The following ANKUB1 variants were observed in gnomAD, a reference collection of about 807,000 sequenced individuals.
ANKUB1 encodes ankyrin repeat and ubiquitin domain containing 1, also known as protein ANKUB1.
In ANKUB1, 42 loss-of-function variants were observed where a neutral mutation model predicts 49.3. The ratio of observed to expected loss-of-function variants is 0.85; its 90% CI spans 0.67 to 1.10. The LOEUF is 1.10. Among genes scored for constraint, ANKUB1 ranks in the 50% least tolerant of loss-of-function variants. The probability of loss-of-function intolerance (pLI) is 0.00; values close to 1 mark genes in which losing one functional copy is unlikely to be tolerated. For synonymous variants in ANKUB1, 222 were observed against 231.0 expected (o/e 0.96, Z 0.35); for missense variants, 613 against 642.0 (o/e 0.95, Z 0.49).
rs1717123296 is a variant in ANKUB1 at position 149,767,842 on chromosome 3, C to T, written c.820G>A (p.Gly274Arg). The T allele has an allele frequency of 3.9e-6, 6 of 1,551,688 alleles. No individual in the cohort carries two copies. The highest frequency in any genetic ancestry group is 5.2e-6 in the Non-Finnish European group (6 of 1,146,994). Residue 274 changes from glycine (G) to arginine (R), a missense_variant, in exon 5 of 6, where the codon GGA becomes AGA. Physicochemically the swap from Gly to Arg is moderately radical, Grantham distance 125 (BLOSUM62 -2). Transcript: ENST00000446160. Reference protein sequence around the residue: ...VLCLECKNAAGQTPLTIVFKH... With the variant: ...VLCLECKNAARQTPLTIVFKH... ...AACACAATGGTCAGGGGAGTTTGTC[C>T]TGCTGCATTTTTGCATTCCAGGCAC...
chr3:149,767,976 G>A lies in ANKUB1; in HGVS notation c.686C>T (p.Ala229Val), dbSNP rs1249403362. The change falls in exon 5 of 6, where the codon GCA (alanine) becomes GTA (valine). Residue 229 changes from alanine (A) to valine (V), a missense_variant. By Grantham distance (64) the Ala-to-Val change is moderately conservative. Transcript: ENST00000446160. Reference protein sequence around the residue: ...HEAVGVHPYRAWCHEALHADV... With the variant: ...HEAVGVHPYRVWCHEALHADV... ...TGCATGAAGGGCTTCATGGCACCAT[G>A]CTCGATAGGGGTGAACACCGACTGC... 16 of 1,537,780 alleles carry A rather than the reference G, an allele frequency of 1.0e-5. No individual in the cohort carries two copies. The highest frequency in any genetic ancestry group is 1.3e-5 in the Non-Finnish European group (15 of 1,137,062).
In ANKUB1 at chr3:149,792,453, G is replaced by A; in HGVS notation, c.-87C>T. ...AGAAAAATTCCGGTTCACAATTAAG[G>A]ACAAAAATGATAGCCAGAGGCAGCT... On this transcript the variant is annotated 5_prime_UTR_variant, in exon 1 of 6. Transcript: ENST00000446160. The A allele has an allele frequency of 9.5e-7, 1 of 1,058,158 alleles. No individual in the cohort carries two copies. The highest frequency in any genetic ancestry group is 1.3e-6 in the Non-Finnish European group (1 of 767,282). The allele number at this position is 1,058,158 out of a possible 1,614,324, so 65.5% of individuals were successfully genotyped here.
At chr3:149,776,742 C>CT (rs1717611595) in intron 3 of ANKUB1, among the ~76,000 whole-genome samples, 1 of 151,254 alleles carries the variant, frequency 6.6e-6, no homozygotes, top group Non-Finnish European at 1.5e-5. Flanking sequence ...GGGTGGATCA[C>CT]TTGAGGTCAG....
chr3:149,767,876 G>A lies in ANKUB1; in HGVS notation c.786C>T (p.Tyr262=). Residue 262 remains tyrosine (Y), a synonymous_variant, in exon 5 of 6, where the codon TAC becomes TAT. Coordinates refer to ENST00000446160, the MANE Select transcript of ANKUB1 (RefSeq NM_001144960.3). The part of the protein sequence containing the change: ...QLLILKAFVN[Y]SVLCLECKNA... ...TTTTGCATTCCAGGCACAGCACACT[G>A]TAGTTGACAAAGGCCTTCAGAATCA... 6.4e-7 allele frequency: 1 copy of A among 1,551,716 alleles called. No individual in the cohort carries two copies. Among genetic ancestry groups the A allele is most frequent in the Middle Eastern group, 1.7e-4 (1 of 5,992 alleles).
chr3:149,762,308 AATATTCATCCC>A (rs1325414008), intron 5 of ANKUB1, among the ~76,000 whole-genome samples: 4 of 152,188 alleles, frequency 2.6e-5, no homozygotes, highest in African/African-American at 9.7e-5. Context: ...AACAAATAAA[AATATTCATCCC>A]ATAGACACTT....
intron 3 of ANKUB1, among the ~76,000 whole-genome samples, chr3:149,772,383 T>C (rs971331662): frequency 6.6e-6 from 1 of 152,168 alleles, no homozygotes; most frequent in Non-Finnish European, 1.5e-5. Context: ...GTTTACCTGA[T>C]CAATATTGAA....
chr3:149,763,612 T>C (rs1716865349), intron 5 of ANKUB1, among the ~76,000 whole-genome samples: 1 of 152,186 alleles, frequency 6.6e-6, no homozygotes, highest in Non-Finnish European at 1.5e-5. Context: ...TCCCTTACAT[T>C]TGAATCTTTA....
intron 3 of ANKUB1, among the ~76,000 whole-genome samples, chr3:149,776,919 G>T (rs1183169677): frequency 6.6e-6 from 1 of 152,010 alleles, no homozygotes; most frequent in Non-Finnish European, 1.5e-5. Context: ...AGCGGTTGCA[G>T]TAAGCTGAGG....
chr3:149,765,317 A>G (rs1182696705), intron 5 of ANKUB1, among the ~76,000 whole-genome samples: 2 of 152,208 alleles, frequency 1.3e-5, no homozygotes, highest in Non-Finnish European at 2.9e-5. Context: ...GGGAAGGATC[A>G]TGACTGGCAA....
At chr3:149,782,518 T>C (rs1717915339) in intron 2 of ANKUB1, among the ~76,000 whole-genome samples, 1 of 152,080 alleles carries the variant, frequency 6.6e-6, no homozygotes, top group Non-Finnish European at 1.5e-5. Flanking sequence ...TAACTGACTC[T>C]GGAACAAGTA....
At chr3:149,762,894 C>G (rs564135944) in intron 5 of ANKUB1, among the ~76,000 whole-genome samples, 1 of 152,194 alleles carries the variant, frequency 6.6e-6, no homozygotes, top group Non-Finnish European at 1.5e-5. Context: ...CCTGAAAATT[C>G]AATTTCTTGC....
chr3:149,762,658 T>C (rs1716830201), intron 5 of ANKUB1, among the ~76,000 whole-genome samples: 1 of 152,246 alleles, frequency 6.6e-6, no homozygotes, highest in South Asian at 2.1e-4. Flanking sequence ...CTATCAGATT[T>C]GTCTTCAAAA....
Position 149,767,825 on chromosome 3 carries a change from G to C in ANKUB1, c.837C>G (p.Thr279=), listed in dbSNP as rs1198053488. The C allele has an allele frequency of 1.3e-6, 2 of 1,551,746 alleles. No individual in the cohort carries two copies. The highest frequency in any genetic ancestry group is 1.7e-6 in the Non-Finnish European group (2 of 1,147,006). ...CTTTATGCTTGTGTTTGAACACAAT[G>C]GTCAGGGGAGTTTGTCCTGCTGCAT... The part of the protein sequence containing the change: ...CKNAAGQTPL[T]IVFKHKHKDC... Residue 279 remains threonine, a synonymous_variant, in exon 5 of 6, where the codon ACC becomes ACG. Transcript: ENST00000446160.
chr3:149,786,627 T>C (rs1718111620), intron 2 of ANKUB1, among the ~76,000 whole-genome samples: 1 of 152,230 alleles, frequency 6.6e-6, no homozygotes. Flanking sequence ...TGCCATTGCT[T>C]TTGGTGTTTT....
chr3:149,764,005 ATC>A (rs1716883683), intron 5 of ANKUB1: 3 of 456,172 alleles, frequency 6.6e-6, no homozygotes, highest in Non-Finnish European at 1.3e-5. Context: ...AAACAGGAAC[ATC>A]TGATGGTCAC....
intron 5 of ANKUB1, among the ~76,000 whole-genome samples, chr3:149,764,354 C>G (rs993137146): frequency 1.3e-5 from 2 of 152,018 alleles, no homozygotes; most frequent in African/African-American, 4.8e-5. Flanking sequence ...GAAGGTGGAA[C>G]AGATCCTGGG....
chr3:149,781,484 G>A (rs1422478733), intron 2 of ANKUB1, among the ~76,000 whole-genome samples: 2 of 152,132 alleles, frequency 1.3e-5, no homozygotes, highest in Non-Finnish European at 2.9e-5. Context: ...TCAGTGCATG[G>A]CACCATCACG....
chr3:149,767,043 C>A, intron 5 of ANKUB1, 114 bp downstream of exon 5: 1 of 1,134,930 alleles, frequency 8.8e-7, no homozygotes. Context: ...TATTGATGCA[C>A]TGGAACAACT....
chr3:149,789,544 T>C lies in ANKUB1; in HGVS notation c.234+1237A>G, dbSNP rs373906770. On this transcript the variant is annotated intron_variant, in intron 2 of 5. Transcript: ENST00000446160. ...ACATTAAAAACGTATGTAAATATGG[T>C]CTTTTGTTTACATAAATGGGATGAT... Among the ~76,000 whole-genome samples the C allele has an allele frequency of 5.3e-5, 8 of 152,282 alleles. No individual in the cohort carries two copies. The East Asian group carries it at 5.8e-4, about 11-fold the overall frequency.
Sources: gnomAD v4.1 joint callset for allele counts (sites outside exome capture counted in the v4.1 genomes callset) on GRCh38, gnomAD v4.1.1 for gene constraint, MANE v1.5 for transcripts, NCBI Gene and HGNC (gene_info 2026-07-23, HGNC 2026-07-21) for gene names.